Variants in C1orf87 observed in about 807,000 individuals in gnomAD.
C1orf87 encodes uncharacterized protein C1orf87.
C1orf87 carries 58 observed loss-of-function variants against 60.5 expected under a neutral mutation model. That is an observed-to-expected ratio of 0.96 (90% confidence interval 0.78 to 1.19). The LOEUF (loss-of-function observed/expected upper bound fraction) is 1.19. C1orf87 is among the 50% of genes most tolerant of loss of function. The pLI is 0.00. For missense variants in C1orf87, 673 were observed against 638.6 expected (o/e 1.05, Z -0.58); for synonymous variants, 236 against 227.4 (o/e 1.04, Z -0.34).
At chr1:59,991,027 A>AG (rs1644918308) in intron 11 of C1orf87, among the ~76,000 whole-genome samples, 194 bp from the exon 12 acceptor site, 1 of 152,208 alleles carries the variant, frequency 6.6e-6, no homozygotes, top group Non-Finnish European at 1.5e-5. Flanking sequence ...TTTCAGGAAG[A>AG]ATCTGAGGGT....
chr1:60,066,098 T>G (rs11800395), intron 2 of C1orf87, among the ~76,000 whole-genome samples: 1,954 of 152,304 alleles, frequency 0.013, 36 homozygotes, highest in African/African-American at 0.044. Flanking sequence ...AGTCCTCATC[T>G]TTTTGATAGT....
chr1:60,042,077 G>A (rs1645329255), intron 3 of C1orf87, among the ~76,000 whole-genome samples: 1 of 152,134 alleles, frequency 6.6e-6, no homozygotes, highest in African/African-American at 2.4e-5. Flanking sequence ...AGGTCCTCAA[G>A]TAGCCCGATG....
chr1:60,060,960 G>A lies in C1orf87; in HGVS notation c.108-5522C>T, dbSNP rs377680954. 2.0e-5 allele frequency among the ~76,000 whole-genome samples: 3 copies of A among 152,248 alleles called. No individual in the cohort carries two copies. In the East Asian group the frequency reaches 5.8e-4, roughly 29 times the overall value. ...ATTCTCTCCTGTTTCGCTTTTGCAAGTCTAAGCAAAATGACTGTGCAACTG... is the reference window on the plus strand; with the variant it reads ...ATTCTCTCCTGTTTCGCTTTTGCAAATCTAAGCAAAATGACTGTGCAACTG... On this transcript the variant is annotated intron_variant, in intron 2 of 11. Coordinates refer to ENST00000371201, the MANE Select transcript of C1orf87 (RefSeq NM_152377.3).
intron 2 of C1orf87, among the ~76,000 whole-genome samples, chr1:60,058,222 C>A (rs1016430656): frequency 2.0e-5 from 3 of 152,106 alleles, no homozygotes; most frequent in Non-Finnish European, 2.9e-5. Flanking sequence ...AGATGTATAG[C>A]CCAGAAGAAA....
At chr1:59,996,105 T>C (rs950763463) in intron 11 of C1orf87, among the ~76,000 whole-genome samples, 3 of 152,196 alleles carry the variant, frequency 2.0e-5, no homozygotes, top group African/African-American at 7.2e-5. Flanking sequence ...TCCCTGGATT[T>C]TGTATGGCAA....
chr1:60,025,406 T>A lies in C1orf87; in HGVS notation c.1122A>T (p.Glu374Asp), dbSNP rs1190157759. The stretch of plus-strand genomic sequence containing the variant: ...CTTAATAAGAGTTGACTTACTTTAT[T>A]TCATTTTGGTAACCCAAATCTTGAT... ...LNHQDLGYQN[E>D]IKWQNFVEML... The change falls in exon 8 of 12, where the codon GAA (glutamate) becomes GAT (aspartate). Residue 374 changes from glutamate to aspartate, a missense_variant. Glu to Asp is a conservative substitution (Grantham distance 45, BLOSUM62 2). Transcript: ENST00000371201. 1.2e-6 allele frequency: 2 copies of A among 1,611,722 alleles called. No individual in the cohort carries two copies. The highest frequency in any genetic ancestry group is 1.7e-6 in the Non-Finnish European group (2 of 1,178,126).
At chr1:60,036,952 G>A (rs17120030) in intron 6 of C1orf87, among the ~76,000 whole-genome samples, 29,272 of 152,026 alleles carry the variant, frequency 0.19, 2,959 homozygotes, top group African/African-American at 0.23. Flanking sequence ...CTCTGCACCC[G>A]TACACAATCA....
At chr1:60,073,379 T>C (rs1325879956) in intron 1 of C1orf87, among the ~76,000 whole-genome samples, 1 of 152,214 alleles carries the variant, frequency 6.6e-6, no homozygotes, top group African/African-American at 2.4e-5. Context: ...GAAATCATTC[T>C]ACTCCAAAGG....
At chr1:59,999,102 G>C (rs1316307505) in intron 10 of C1orf87, among the ~76,000 whole-genome samples, 1 of 152,050 alleles carries the variant, frequency 6.6e-6, no homozygotes, top group African/African-American at 2.4e-5. Context: ...TCGTATATAA[G>C]CTGTGAGAAT....
At chr1:60,022,046 T>A (rs1161581494) in intron 8 of C1orf87, among the ~76,000 whole-genome samples, 1 of 151,174 alleles carries the variant, frequency 6.6e-6, no homozygotes, top group Non-Finnish European at 1.5e-5. Flanking sequence ...TGGAACAGAT[T>A]AGGGAAAGGA....
chr1:60,006,919 C>CT (rs112399680), intron 9 of C1orf87, among the ~76,000 whole-genome samples: 4,195 of 149,938 alleles, frequency 0.028, 178 homozygotes, highest in African/African-American at 0.096. Flanking sequence ...CTCTTGCATA[C>CT]TTTTTTTTTT....
intron 2 of C1orf87, among the ~76,000 whole-genome samples, chr1:60,059,366 T>C (rs921972058): frequency 6.6e-6 from 1 of 152,236 alleles, no homozygotes; most frequent in Admixed American, 6.5e-5. Context: ...CAGCTGCTGC[T>C]CTGGGGGTGC....
At chr1:59,996,820 C>T (rs1409398333) in intron 11 of C1orf87, among the ~76,000 whole-genome samples, 2 of 152,176 alleles carry the variant, frequency 1.3e-5, no homozygotes, top group East Asian at 3.9e-4. Context: ...GTTATTTACG[C>T]ACACTGGCTC....
At chr1:59,997,945 G>C (rs1363969656) in intron 10 of C1orf87, 129 bp from the exon 11 acceptor site, 2 of 848,722 alleles carry the variant, frequency 2.4e-6, no homozygotes, top group East Asian at 5.3e-5. Context: ...CTAAGAGGAT[G>C]AGCTTCAAAT....
chr1:60,064,995 A>ATAATAT (rs1221192347), intron 2 of C1orf87, among the ~76,000 whole-genome samples: 2 of 113,118 alleles, frequency 1.8e-5, no homozygotes, highest in African/African-American at 3.5e-5. Flanking sequence ...TAAAATACAT[A>ATAATAT]TAAATATTAA....
chr1:60,064,706 C>A (rs2407792), intron 2 of C1orf87, among the ~76,000 whole-genome samples: 4 of 97,730 alleles, frequency 4.1e-5, no homozygotes, highest in Admixed American at 1.7e-4. Flanking sequence ...TATATTATTT[C>A]AATATATATA....
intron 8 of C1orf87, among the ~76,000 whole-genome samples, chr1:60,022,396 C>A (rs1645169982): frequency 6.6e-6 from 1 of 151,928 alleles, no homozygotes; most frequent in South Asian, 2.1e-4. Flanking sequence ...TAAATTAAAT[C>A]AATAATTAAC....
Position 60,033,507 on chromosome 1 carries a change from C to T in C1orf87, c.998G>A (p.Arg333His), listed in dbSNP as rs1236745552. 4.3e-6 allele frequency: 7 copies of T among 1,613,680 alleles called. No individual in the cohort carries two copies. The highest frequency in any genetic ancestry group is 4.5e-5 in the East Asian group (2 of 44,880). The change falls in exon 7 of 12, where the codon CGC becomes CAC. Residue 333 changes from arginine to histidine, a missense_variant. Physicochemically the swap from Arg to His is conservative, Grantham distance 29. Coordinates refer to ENST00000371201, the MANE Select transcript of C1orf87 (RefSeq NM_152377.3). ...TAGAGGGAGGCAGCCAGAGAACGAGCGATCTTCTTTTCGAAAACTCAGATT... is the reference window on the plus strand; with the variant it reads ...TAGAGGGAGGCAGCCAGAGAACGAGTGATCTTCTTTTCGAAAACTCAGATT... ...NLNLSFRKED[R>H]SFSGCLPLPK... is the part of the protein sequence containing the mutation.
chr1:59,992,572 T>C (rs1644931919), intron 11 of C1orf87, among the ~76,000 whole-genome samples: 1 of 152,142 alleles, frequency 6.6e-6, no homozygotes, highest in Non-Finnish European at 1.5e-5. Flanking sequence ...CTCTCCTTCA[T>C]ATGTGCGAAC....
Sources: gnomAD v4.1 joint callset for allele counts (sites outside exome capture counted in the v4.1 genomes callset) on GRCh38, gnomAD v4.1.1 for gene constraint, MANE v1.5 for transcripts, NCBI Gene and HGNC (gene_info 2026-07-23, HGNC 2026-07-21) for gene names.